Variants in GOLGA4 observed in about 807,000 individuals in gnomAD.
GOLGA4 encodes the protein golgin A4, also known as golgin subfamily A member 4.
Under a neutral mutation model 265.9 loss-of-function variants are expected in GOLGA4, and 169 were observed. The observed-to-expected ratio is 0.64, with a 90% CI of 0.56 to 0.72. GOLGA4 has a LOEUF of 0.72. GOLGA4 is among the 30% of genes least tolerant of loss of function. GOLGA4 has a pLI of 0.00. For missense variants in GOLGA4, 2,482 were observed against 2,483.4 expected (o/e 1.00, Z 0.01); for synonymous variants, 923 against 855.8 (o/e 1.08, Z -1.37).
At chr3:37,264,221 G>A (rs1172226263) in intron 2 of GOLGA4, among the ~76,000 whole-genome samples, 1 of 152,120 alleles carries the variant, frequency 6.6e-6, no homozygotes, top group African/African-American at 2.4e-5. Flanking sequence ...GGGCAAGAGC[G>A]ACTTCATTAC....
At chr3:37,276,304 A>C (rs533606223) in intron 2 of GOLGA4, 1 of 1,600,804 alleles carries the variant, frequency 6.2e-7, no homozygotes, top group African/African-American at 1.3e-5. Flanking sequence ...CAAAAAATCC[A>C]AATTTAAGGA....
At chr3:37,244,275 G>C (rs1437119289) in intron 1 of GOLGA4, 7 of 152,262 alleles carry the variant, frequency 4.6e-5, no homozygotes, top group Non-Finnish European at 1.0e-4. Context: ...GGTTAATCCG[G>C]GACTGGCGGG....
chr3:37,293,941 A>T (rs2096871482), intron 5 of GOLGA4, among the ~76,000 whole-genome samples: 1 of 152,266 alleles, frequency 6.6e-6, no homozygotes, highest in South Asian at 2.1e-4. Flanking sequence ...CAGTTGTAAC[A>T]CAATGGTAAG....
chr3:37,285,959 T>C (rs1419160318), intron 3 of GOLGA4, 55 bp from the exon 4 acceptor site: 1 of 1,034,194 alleles, frequency 9.7e-7, no homozygotes, highest in Non-Finnish European at 1.5e-6. Context: ...TAGTGGACTT[T>C]AGAATAATTG....
At chr3:37,254,142 A>T (rs2096741733) in intron 2 of GOLGA4, among the ~76,000 whole-genome samples, 1 of 152,248 alleles carries the variant, frequency 6.6e-6, no homozygotes. Flanking sequence ...GATGCCATTA[A>T]TACTGATTGC....
intron 10 of GOLGA4, among the ~76,000 whole-genome samples, chr3:37,308,632 T>C (rs1241974412): frequency 6.6e-6 from 1 of 151,360 alleles, no homozygotes; most frequent in East Asian, 1.9e-4. Flanking sequence ...ATATATTTTT[T>C]TGAGACAGAG....
intron 20 of GOLGA4, among the ~76,000 whole-genome samples, chr3:37,345,083 A>G (rs2151032981): frequency 6.6e-6 from 1 of 152,038 alleles, no homozygotes; most frequent in East Asian, 1.9e-4. Context: ...GGTGACATGT[A>G]CCTGTAGTCC....
At chr3:37,330,935 G>T (rs1019198901) in intron 16 of GOLGA4, among the ~76,000 whole-genome samples, 2 of 151,780 alleles carry the variant, frequency 1.3e-5, no homozygotes, top group African/African-American at 4.8e-5. Flanking sequence ...GGAGGATGAG[G>T]CAGGAGAATC....
At chr3:37,259,919 A>G (rs1328835069) in intron 2 of GOLGA4, among the ~76,000 whole-genome samples, 1 of 152,232 alleles carries the variant, frequency 6.6e-6, no homozygotes, top group Non-Finnish European at 1.5e-5. Flanking sequence ...TAGACAAAAT[A>G]GAGCCTTGAG....
intron 21 of GOLGA4, among the ~76,000 whole-genome samples, chr3:37,352,985 C>T (rs2097079231): frequency 6.6e-6 from 1 of 152,094 alleles, no homozygotes; most frequent in Non-Finnish European, 1.5e-5. Flanking sequence ...TACTTGCATA[C>T]TTACAGACCA....
chr3:37,266,025 CAA>C lies in GOLGA4; in HGVS notation c.162+14563_162+14564del, dbSNP rs745369147. On this transcript the variant is annotated intron_variant, in intron 2 of 23. Transcript: ENST00000361924. ...TGGGTGATGGAGCTAGACCTTGTCT[CAA>C]AAAAAAAAAAAAAAAAAAAAATTTT... Among the ~76,000 whole-genome samples, 114 of 97,022 alleles carry C rather than the reference CAA, an allele frequency of 1.2e-3. 1 individual carries two copies. Among genetic ancestry groups the C allele is most frequent in the Admixed American group, 2.2e-3 (21 of 9,512 alleles). The allele number at this position is 97,022 out of a possible 152,430, so 63.7% of individuals were successfully genotyped here. A position where few individuals can be genotyped will look rare whatever the true frequency, so the allele number is the denominator to read the frequency against.
In GOLGA4 at chr3:37,296,105, C is replaced by A. The variant is rs1451351826; in HGVS notation, c.700C>A (p.Arg234=). Residue 234 remains arginine, a synonymous_variant, in exon 7 of 24, where the codon CGA becomes AGA. Transcript: ENST00000361924. ...ATATTAGGTTTCTCTACTGAAACAA[C>A]GATTACGAAATGGCCCGATGAATGT... ...LQTQVSLLKQ[R]LRNGPMNVDV... is the part of the protein sequence containing the mutation. The A allele has an allele frequency of 1.1e-5, 18 of 1,613,482 alleles. No individual in the cohort carries two copies. The highest frequency in any genetic ancestry group is 1.4e-5 in the Non-Finnish European group (16 of 1,179,584).
At chr3:37,275,215 C>CAAAAAAAAAAAAAAAAAAAAAAAA (rs749758741) in intron 2 of GOLGA4, among the ~76,000 whole-genome samples, 10 of 44,954 alleles carry the variant, frequency 2.2e-4, no homozygotes, top group East Asian at 1.8e-3. Context: ...GACTCCGTCT[C>CAAAAAAAAAAAAAAAAAAAAAAAA]AAAAAAAAAA....
At chr3:37,322,029 A>C in intron 13 of GOLGA4, 143 bp downstream of exon 13, 1 of 668,274 alleles carries the variant, frequency 1.5e-6, no homozygotes, top group Non-Finnish European at 2.5e-6. Flanking sequence ...AGTGTGAGCT[A>C]TGCATGGGAG....
chr3:37,329,280 G>A (rs2150980628), intron 16 of GOLGA4, 187 bp downstream of exon 16: 1 of 444,552 alleles, frequency 2.2e-6, no homozygotes, highest in Non-Finnish European at 3.9e-6. Context: ...TGCCAGGATT[G>A]TAGTTTCCTG....
At chr3:37,288,481 G>GTTTTTT in intron 4 of GOLGA4, among the ~76,000 whole-genome samples, 1 of 136,382 alleles carries the variant, frequency 7.3e-6, no homozygotes. Context: ...TTTCTGGATG[G>GTTTTTT]TTTTTTTTTT....
At position 37,324,766 on chromosome 3, in the gene GOLGA4, G is replaced by A. The variant is rs745564633; in HGVS notation, c.2880G>A (p.Lys960=). 1 of 1,586,906 alleles carries A rather than the reference G, an allele frequency of 6.3e-7. No individual in the cohort carries two copies. Among genetic ancestry groups the A allele is most frequent in the Non-Finnish European group, 8.5e-7 (1 of 1,173,338 alleles). ...AAGAAAAAAAGATGGAAAAAGTTAA[G>A]CAGAAAGCAAAGGAGATGCAAGAAA... ...KNQEKKMEKV[K]QKAKEMQETL... The change falls in exon 14 of 24, where the codon AAG becomes AAA. Residue 960 remains lysine (K), a synonymous_variant. Transcript: ENST00000361924.
intron 23 of GOLGA4, among the ~76,000 whole-genome samples, chr3:37,365,071 A>AT (rs1485288593): frequency 3.3e-5 from 5 of 151,592 alleles, no homozygotes; most frequent in Admixed American, 6.6e-5. Flanking sequence ...AATTTTTTCT[A>AT]TTTTTTGTAG....
rs756301514 is a variant in GOLGA4, at chr3:37,326,854, A to T, written c.4968A>T (p.Leu1656Phe). The T allele has an allele frequency of 7.4e-6, 12 of 1,613,674 alleles. No homozygotes were observed. Among genetic ancestry groups the T allele is most frequent in the Admixed American group, 1.7e-5 (1 of 59,938 alleles). Residue 1656 changes from leucine to phenylalanine, a missense_variant, in exon 14 of 24, where the codon TTA (leucine) becomes TTT (phenylalanine). Coordinates refer to ENST00000361924, the MANE Select transcript of GOLGA4 (RefSeq NM_002078.5). ...QKIAAIKKQLLSQMEEKEEQY... is the reference protein window; with the variant it reads ...QKIAAIKKQLFSQMEEKEEQY... ...TTGCTGCCATTAAGAAGCAGTTGTT[A>T]TCTCAAATGGAAGAGAAAGAAGAAC...
Sources: allele counts gnomAD v4.1 joint callset (sites outside exome capture counted in the v4.1 genomes callset), GRCh38; gene constraint gnomAD v4.1.1; transcripts MANE v1.5; gene names NCBI Gene and HGNC (gene_info 2026-07-23, HGNC 2026-07-21).